LPP: variants seen among roughly 807,000 people sequenced by gnomAD.
LPP encodes the protein LIM domain containing preferred translocation partner in lipoma, also known as lipoma-preferred partner.
LPP carries 38 observed loss-of-function variants against 60.4 expected under a neutral mutation model. The ratio of observed to expected loss-of-function variants is 0.63; its 90% confidence interval spans 0.49 to 0.83. The LOEUF (loss-of-function observed/expected upper bound fraction) is 0.83, where lower values mean the gene tolerates loss of function less well. Among genes scored for constraint, LPP ranks in the 40% least tolerant of loss-of-function variants. The pLI is 0.00. For synonymous variants in LPP, 328 were observed against 290.8 expected (o/e 1.13, Z -1.30); for missense variants, 902 against 783.6 (o/e 1.15, Z -1.80).
intron 5 of LPP, among the ~76,000 whole-genome samples, chr3:188,487,014 T>C (rs1806744523): frequency 6.6e-6 from 1 of 152,250 alleles, no homozygotes; most frequent in Non-Finnish European, 1.5e-5. Flanking sequence ...AGTCACTGAC[T>C]CTGTTTCCTC....
intron 9 of LPP, among the ~76,000 whole-genome samples, chr3:188,771,878 G>T (rs1012985226): frequency 6.6e-6 from 1 of 152,196 alleles, no homozygotes; most frequent in African/African-American, 2.4e-5. Context: ...CTGAGAGATG[G>T]CAAGTCATGA....
At chr3:188,441,246 A>G (rs774802478) in intron 4 of LPP, among the ~76,000 whole-genome samples, 21 of 152,104 alleles carry the variant, frequency 1.4e-4, no homozygotes, top group Non-Finnish European at 2.4e-4. Flanking sequence ...TAGATCAAGG[A>G]CTGATTCCAG....
chr3:188,495,869 T>G (rs1810038084), intron 5 of LPP, among the ~76,000 whole-genome samples: 1 of 152,206 alleles, frequency 6.6e-6, no homozygotes, highest in Admixed American at 6.5e-5. Flanking sequence ...CCTAGGGCAC[T>G]AACTCATATT....
intron 9 of LPP, among the ~76,000 whole-genome samples, chr3:188,804,907 AGT>A (rs140444094): frequency 0.019 from 2,857 of 152,198 alleles, 85 homozygotes; most frequent in African/African-American, 0.064. Flanking sequence ...TAATCATGAA[AGT>A]GTGTTGAATT....
intron 3 of LPP, among the ~76,000 whole-genome samples, chr3:188,345,882 T>A (rs968688347): frequency 6.6e-6 from 1 of 152,218 alleles, no homozygotes; most frequent in South Asian, 2.1e-4. Flanking sequence ...ATCAGTTGAC[T>A]GAGTCTGAGG....
intron 9 of LPP, among the ~76,000 whole-genome samples, chr3:188,857,956 T>C (rs1764235793): frequency 6.6e-6 from 1 of 152,220 alleles, no homozygotes; most frequent in Non-Finnish European, 1.5e-5. Flanking sequence ...ACATTTATTA[T>C]ATAGTCAGGA....
At chr3:188,823,936 A>G (rs1754681129) in intron 9 of LPP, among the ~76,000 whole-genome samples, 1 of 152,178 alleles carries the variant, frequency 6.6e-6, no homozygotes, top group Non-Finnish European at 1.5e-5. Context: ...CAAAACCATT[A>G]GATCTTAAGT....
At chr3:188,520,969 G>C (rs2150138136) in intron 5 of LPP, among the ~76,000 whole-genome samples, 1 of 152,236 alleles carries the variant, frequency 6.6e-6, no homozygotes, top group Non-Finnish European at 1.5e-5. Flanking sequence ...TTGGATCCTG[G>C]TATCTACTAT....
At chr3:188,340,353 G>A (rs970827465) in intron 2 of LPP, among the ~76,000 whole-genome samples, 11 of 151,110 alleles carry the variant, frequency 7.3e-5, no homozygotes, top group Non-Finnish European at 1.3e-4. Flanking sequence ...TTCATTTGGT[G>A]GTAGATGACA....
At chr3:188,749,653 T>G (rs999806568) in intron 8 of LPP, among the ~76,000 whole-genome samples, 1 of 152,154 alleles carries the variant, frequency 6.6e-6, no homozygotes, top group Non-Finnish European at 1.5e-5. Flanking sequence ...TCTCAAGTCA[T>G]GTACAAGGTC....
At chr3:188,608,231 A>G (rs1371879622) in intron 6 of LPP, among the ~76,000 whole-genome samples, 1 of 152,148 alleles carries the variant, frequency 6.6e-6, no homozygotes, top group African/African-American at 2.4e-5. Context: ...AACATGTTAC[A>G]TTGTTTATGT....
At chr3:188,286,037 A>T (rs1195928199) in intron 2 of LPP, among the ~76,000 whole-genome samples, 1 of 152,052 alleles carries the variant, frequency 6.6e-6, no homozygotes, top group Admixed American at 6.5e-5. Context: ...AGACCCACTT[A>T]TATGGAGGCG....
chr3:188,698,636 C>T (rs1863773335), intron 7 of LPP, among the ~76,000 whole-genome samples: 1 of 152,214 alleles, frequency 6.6e-6, no homozygotes, highest in Non-Finnish European at 1.5e-5. Context: ...TGCTCTGCGA[C>T]TCGCTTTTCT....
Position 188,592,354 on chromosome 3 carries a change from TCA to T in LPP, c.430-16794_430-16793del, listed in dbSNP as rs140003103. Among the ~76,000 whole-genome samples, 33 of 149,516 alleles carry T rather than the reference TCA, an allele frequency of 2.2e-4. No homozygotes were observed. The East Asian group carries it at 3.9e-3, about 18-fold the overall frequency. On this transcript the variant is annotated intron_variant, in intron 6 of 11. Coordinates refer to ENST00000617246, the MANE Select transcript of LPP (RefSeq NM_001375462.1). ...CTATACAAAACACACACGCACACAG[TCA>T]CACACACACACATACACACAGTCAC...
At chr3:188,203,566 AAT>A (rs1241541287) in intron 1 of LPP, among the ~76,000 whole-genome samples, 93 of 97,202 alleles carry the variant, frequency 9.6e-4, no homozygotes, top group African/African-American at 3.6e-3. Flanking sequence ...AATATATATA[AAT>A]ATATATTTAA....
chr3:188,190,230 T>C (rs1196811225), intron 1 of LPP, among the ~76,000 whole-genome samples: 2 of 152,008 alleles, frequency 1.3e-5, no homozygotes, highest in Non-Finnish European at 2.9e-5. Flanking sequence ...CTAAGTTTTG[T>C]ATTTTTTTAG....
chr3:188,656,862 T>C (rs1853332137), intron 7 of LPP, among the ~76,000 whole-genome samples: 2 of 152,036 alleles, frequency 1.3e-5, no homozygotes, highest in South Asian at 4.2e-4. Context: ...GGAAACAGGA[T>C]TAGAGAAGGG....
At chr3:188,186,181 T>G (rs1310745031) in intron 1 of LPP, among the ~76,000 whole-genome samples, 1 of 152,138 alleles carries the variant, frequency 6.6e-6, no homozygotes, top group Non-Finnish European at 1.5e-5. Flanking sequence ...TAAATATAGC[T>G]CCAACCCCCA....
chr3:188,622,996 C>G (rs1242487790), intron 7 of LPP, among the ~76,000 whole-genome samples: 2 of 143,992 alleles, frequency 1.4e-5, no homozygotes, highest in Admixed American at 7.1e-5. Flanking sequence ...CCACTGCACT[C>G]CAGCCTGGGT....
Sources: gnomAD v4.1 joint callset for allele counts (sites outside exome capture counted in the v4.1 genomes callset) on GRCh38, gnomAD v4.1.1 for gene constraint, MANE v1.5 for transcripts, NCBI Gene and HGNC (gene_info 2026-07-23, HGNC 2026-07-21) for gene names.